MAP3K4: variants seen among roughly 807,000 people sequenced by gnomAD.
The protein encoded by MAP3K4 is MAP three kinase 1.
A neutral mutation model predicts 185.6 loss-of-function variants in MAP3K4; 67 were observed. The ratio of observed to expected loss-of-function variants is 0.36; its 90% CI spans 0.30 to 0.44. MAP3K4 has a LOEUF of 0.44. MAP3K4 is among the 20% of genes least tolerant of loss of function. The pLI, the probability that MAP3K4 is intolerant of heterozygous loss-of-function variation, is 1.00. For missense variants in MAP3K4, 1,551 were observed against 1,995.1 expected (o/e 0.78, Z 4.24); for synonymous variants, 702 against 710.4 (o/e 0.99, Z 0.19).
In MAP3K4 at chr6:161,098,520, T is replaced by G. The variant is rs1777682545; in HGVS notation, c.3674+93T>G. The G allele has an allele frequency of 6.9e-7, 1 of 1,445,672 alleles. No individual in the cohort carries two copies. The highest frequency in any genetic ancestry group is 9.2e-7 in the Non-Finnish European group (1 of 1,081,630). 89.6% of individuals were successfully genotyped at this position (1,445,672 alleles called of 1,614,324 possible). A position where few individuals can be genotyped will look rare whatever the true frequency, so the allele number is the denominator to read the frequency against. ...TGTTAGGGTGTGTGCCGGCTGTGGT[T>G]GGGCTTCTTTGCTGTGGCGTGTGAG... On this transcript the variant is annotated intron_variant, in intron 17 of 26. Transcript: ENST00000392142. The surrounding 1 kb of genome is among the most constrained non-coding windows in gnomAD (Gnocchi z 4.4).
rs1785420739 is a variant in MAP3K4 at position 161,080,858 on chromosome 6, C to T, written c.2098-23C>T. The T allele has an allele frequency of 6.2e-7, 1 of 1,610,446 alleles. No homozygotes were observed. Among genetic ancestry groups the T allele is most frequent in the African/African-American group, 1.3e-5 (1 of 74,782 alleles). ...TGCCAAGTTCTACTTTCAAATGTCT[C>T]CCTTTACTTTTTGTGTTTTAAGGTG... On this transcript the variant is annotated intron_variant, in intron 5 of 26. Coordinates refer to ENST00000392142, the MANE Select transcript of MAP3K4 (RefSeq NM_005922.4). This position sits in a 1 kb window ranked among gnomAD's most constrained non-coding sequence, Gnocchi z 4.8.
At chr6:161,039,416 T>C (rs936994830) in intron 2 of MAP3K4, among the ~76,000 whole-genome samples, 1 of 152,052 alleles carries the variant, frequency 6.6e-6, no homozygotes, top group African/African-American at 2.4e-5. Context: ...GCCATGCTCA[T>C]GAACTGATTA....
rs1326608774 is a variant in MAP3K4 at position 161,102,006 on chromosome 6, G to A, written c.3775+14G>A. 1 of 1,599,842 alleles carries A rather than the reference G, an allele frequency of 6.3e-7. No homozygotes were observed. Among genetic ancestry groups the A allele is most frequent in the African/African-American group, 1.3e-5 (1 of 74,594 alleles). On this transcript the variant is annotated intron_variant, in intron 18 of 26. Transcript: ENST00000392142. ...AGGAGCGAGATGGTGAGTGTTTTAAGGTGTTAGCTGCATTCACAACCAGTC... is the reference window on the plus strand; with the variant it reads ...AGGAGCGAGATGGTGAGTGTTTTAAAGTGTTAGCTGCATTCACAACCAGTC...
chr6:161,001,876 CTCTT>C (rs1302023716), intron 1 of MAP3K4, among the ~76,000 whole-genome samples: 2 of 152,078 alleles, frequency 1.3e-5, no homozygotes, highest in African/African-American at 2.4e-5. Context: ...TATTACATTT[CTCTT>C]TCTTCCTCTT....
Position 161,100,679 on chromosome 6 carries a change from T to C in MAP3K4, c.3675-1213T>C, listed in dbSNP as rs1777803400. On this transcript the variant is annotated intron_variant, in intron 17 of 26. Coordinates refer to ENST00000392142, the MANE Select transcript of MAP3K4 (RefSeq NM_005922.4). This position sits in a 1 kb window ranked among gnomAD's most constrained non-coding sequence, Gnocchi z 5.8. Reference sequence around the variant, plus strand: ...CCACTTCATGAGTATATGTTCTTGCTTTTTACCCGTGCAAAAATCTCTTAA... The same window carrying C: ...CCACTTCATGAGTATATGTTCTTGCCTTTTACCCGTGCAAAAATCTCTTAA... Among the ~76,000 whole-genome samples the C allele has an allele frequency of 6.6e-6, 1 of 152,178 alleles. No homozygotes were observed. The highest frequency in any genetic ancestry group is 1.5e-5 in the Non-Finnish European group (1 of 68,026).
intron 1 of MAP3K4, among the ~76,000 whole-genome samples, chr6:161,000,982 AAT>A (rs924263835): frequency 7.6e-6 from 1 of 132,212 alleles, no homozygotes; most frequent in Non-Finnish European, 1.6e-5. Flanking sequence ...ATATGTATAT[AAT>A]ATATATTATA....
intron 3 of MAP3K4, among the ~76,000 whole-genome samples, chr6:161,066,197 AAT>A (rs1279927816): frequency 6.6e-6 from 1 of 151,950 alleles, no homozygotes; most frequent in Non-Finnish European, 1.5e-5. Flanking sequence ...CCATACTTTG[AAT>A]AGTTTTTTAG....
intron 2 of MAP3K4, among the ~76,000 whole-genome samples, chr6:161,040,729 A>G (rs976240785): frequency 1.3e-5 from 2 of 152,266 alleles, no homozygotes; most frequent in African/African-American, 4.8e-5. Context: ...AGCCAAGAAC[A>G]GAGATAGTCC....
At position 161,048,133 on chromosome 6, in the gene MAP3K4, G is replaced by A. The variant is rs9456616; in HGVS notation, c.344-483G>A. The A allele has an allele frequency of 8.2e-3, 3,582 of 436,184 alleles. 27 individuals are homozygous for A. Among genetic ancestry groups the A allele is most frequent in the Non-Finnish European group, 0.011 (2,402 of 220,286 alleles). The allele number at this position is 436,184 out of a possible 1,614,324, so 27.0% of individuals were successfully genotyped here. On this transcript the variant is annotated intron_variant, in intron 2 of 26. Coordinates refer to ENST00000392142, the MANE Select transcript of MAP3K4 (RefSeq NM_005922.4). The surrounding 1 kb of genome is among the most constrained non-coding windows in gnomAD (Gnocchi z 4.7). The stretch of plus-strand genomic sequence containing the variant: ...GTGCCTTAAGTATTCTTGCATCAAT[G>A]TGCCTAATTTTATCAATGAGAAAAG...
chr6:161,088,708 G>A lies in MAP3K4; in HGVS notation c.2824-614G>A, dbSNP rs957172955. ...CTGCATCCCCAGAGCAGCTGCTGTA[G>A]TCAGCACTTTACCATCCCTCTCCTG... On this transcript the variant is annotated intron_variant, in intron 10 of 26. Transcript: ENST00000392142. This position sits in a 1 kb window ranked among gnomAD's most constrained non-coding sequence, Gnocchi z 4.5. Among the ~76,000 whole-genome samples, 1 of 152,150 alleles carries A rather than the reference G, an allele frequency of 6.6e-6. No homozygotes were observed. The highest frequency in any genetic ancestry group is 1.5e-5 in the Non-Finnish European group (1 of 68,024).
rs1784887210 is a variant in MAP3K4, at chr6:161,070,472, A to T, written c.1708-136A>T. On this transcript the variant is annotated intron_variant, in intron 3 of 26. Transcript: ENST00000392142. This position sits in a 1 kb window ranked among gnomAD's most constrained non-coding sequence, Gnocchi z 4.5. ...AGTTATTAAATTCATTAAATTATTA[A>T]ATATTCTTTTCCCTGTAAAATTAGA... The T allele has an allele frequency of 5.1e-6, 3 of 591,856 alleles. No homozygotes were observed. The allele number at this position is 591,856 out of a possible 1,614,324, so 36.7% of individuals were successfully genotyped here.
At chr6:161,042,413 G>A (rs555239791) in intron 2 of MAP3K4, among the ~76,000 whole-genome samples, 69 of 152,260 alleles carry the variant, frequency 4.5e-4, no homozygotes, top group Middle Eastern at 6.8e-3. Flanking sequence ...GCTATCTGAC[G>A]TCCCAGTTGA....
Position 161,076,037 on chromosome 6 carries a change from C to T in MAP3K4, c.2097+2425C>T, listed in dbSNP as rs542965201. ...CCGAAAACAGCAAATGGAAAAATTC[C>T]TTCTTCAGAGAAGGAGGAAATTGGC... On this transcript the variant is annotated intron_variant, in intron 5 of 26. Coordinates refer to ENST00000392142, the MANE Select transcript of MAP3K4 (RefSeq NM_005922.4). The surrounding 1 kb of genome is among the most constrained non-coding windows in gnomAD (Gnocchi z 4.2). Among the ~76,000 whole-genome samples, 7 of 152,118 alleles carry T rather than the reference C, an allele frequency of 4.6e-5. No homozygotes were observed. The highest frequency in any genetic ancestry group is 7.2e-5 in the African/African-American group (3 of 41,424).
intron 6 of MAP3K4, among the ~76,000 whole-genome samples, chr6:161,081,275 A>G (rs1213014769): frequency 8.0e-6 from 1 of 124,252 alleles, no homozygotes; most frequent in Non-Finnish European, 1.6e-5. Context: ...GACTGGGAAG[A>G]TGCTCCTGGC....
At chr6:161,018,748 A>G (rs972358789) in intron 1 of MAP3K4, among the ~76,000 whole-genome samples, 2 of 152,356 alleles carry the variant, frequency 1.3e-5, no homozygotes, top group East Asian at 1.9e-4. Context: ...TAACAATCCT[A>G]GAAGTGTAAC....
In MAP3K4 at chr6:161,080,797, C is replaced by A; in HGVS notation, c.2098-84C>A. On this transcript the variant is annotated intron_variant, in intron 5 of 26. Transcript: ENST00000392142. The surrounding 1 kb of genome is among the most constrained non-coding windows in gnomAD (Gnocchi z 4.8). ...GCCCCCGGCCCGCCCCCACTTTACC[C>A]TGCTGATGTGTAGCTTTCAGGTGAG... 7.7e-7 allele frequency: 1 copy of A among 1,298,840 alleles called. No individual in the cohort carries two copies. The highest frequency in any genetic ancestry group is 1.1e-6 in the Non-Finnish European group (1 of 918,544). The allele number at this position is 1,298,840 out of a possible 1,614,324, so 80.5% of individuals were successfully genotyped here.
At chr6:161,014,209 A>G (rs1369219609) in intron 1 of MAP3K4, among the ~76,000 whole-genome samples, 1 of 152,204 alleles carries the variant, frequency 6.6e-6, no homozygotes, top group Admixed American at 6.5e-5. Context: ...ATAAAAGACA[A>G]AGGAGCGCCC....
rs1455199199 is a variant in MAP3K4, at chr6:161,043,373, C to T, written c.344-5243C>T. Among the ~76,000 whole-genome samples the T allele has an allele frequency of 1.3e-5, 2 of 152,150 alleles. No homozygotes were observed. Among genetic ancestry groups the T allele is most frequent in the Non-Finnish European group, 2.9e-5 (2 of 68,022 alleles). On this transcript the variant is annotated intron_variant, in intron 2 of 26. Transcript: ENST00000392142. This position sits in a 1 kb window ranked among gnomAD's most constrained non-coding sequence, Gnocchi z 4.3. ...TTCGAGGCCCCAAATCAAGTACTTGCTTTTACTTTAAGCCTTTACAGACTA... is the reference window on the plus strand; with the variant it reads ...TTCGAGGCCCCAAATCAAGTACTTGTTTTTACTTTAAGCCTTTACAGACTA...
Position 160,991,813 on chromosome 6 carries a change from T to C in MAP3K4, c.-119T>C. The C allele has an allele frequency of 8.7e-7, 1 of 1,149,544 alleles. No homozygotes were observed. The highest frequency in any genetic ancestry group is 1.1e-6 in the Non-Finnish European group (1 of 878,922). The allele number at this position is 1,149,544 out of a possible 1,614,324, so 71.2% of individuals were successfully genotyped here. On this transcript the variant is annotated 5_prime_UTR_variant, in exon 1 of 27. Coordinates refer to ENST00000392142, the MANE Select transcript of MAP3K4 (RefSeq NM_005922.4). This position sits in a 1 kb window ranked among gnomAD's most constrained non-coding sequence, Gnocchi z 5.7. ...CCAAGATGGCCGCGGCGCGCACGGC[T>C]CCTGCGGCGGGGTAGAGGCGGAGGC...
Sources: allele counts gnomAD v4.1 joint callset (sites outside exome capture counted in the v4.1 genomes callset), GRCh38; gene constraint gnomAD v4.1.1; non-coding constraint Gnocchi (gnomAD v3.1); transcripts MANE v1.5; gene names NCBI Gene and HGNC (gene_info 2026-07-23, HGNC 2026-07-21).